The following ENG variants were observed in gnomAD, a reference collection of about 807,000 sequenced individuals.
ENG encodes the protein endoglin, also known as CD105 antigen.
In ENG, 17 loss-of-function variants were observed where a neutral mutation model predicts 71.0. That is an observed-to-expected ratio of 0.24 (90% CI 0.16 to 0.36). ENG has a LOEUF of 0.36. Ranked by LOEUF, ENG falls within the 10% of genes least tolerant of loss-of-function variation. The pLI, the probability that ENG is intolerant of heterozygous loss-of-function variation, is 1.00. For synonymous variants in ENG, 360 were observed against 366.9 expected, an observed-to-expected ratio of 0.98 and a Z score of 0.21; for missense variants, 749 against 868.3, an observed-to-expected ratio of 0.86 and a Z score of 1.73.
At chr9:127,826,700 G>A (rs376010048) in intron 3 of ENG, 28 bp from the exon 4 acceptor site, 203 of 1,611,764 alleles carry the variant, frequency 1.3e-4, no homozygotes, top group Non-Finnish European at 1.9e-5. Flanking sequence ...GGCTCAGCAC[G>A]CTGTTCCTGG....
At chr9:127,831,473 C>T (rs371287740) in intron 2 of ENG, among the ~76,000 whole-genome samples, 28 of 148,676 alleles carry the variant, frequency 1.9e-4, no homozygotes, top group African/African-American at 6.2e-4. Context: ...CTGCAACCTT[C>T]GCGTACCAGG....
chr9:127,816,744 A>T, intron 13 of ENG: 1 of 308,660 alleles, frequency 3.2e-6, no homozygotes, highest in Non-Finnish European at 6.3e-6. Context: ...GGGGGAACTG[A>T]TGGAGAGGCT....
At chr9:127,823,673 CTTTT>C (rs1017053002) in intron 8 of ENG, among the ~76,000 whole-genome samples, 20 of 99,032 alleles carry the variant, frequency 2.0e-4, no homozygotes, top group African/African-American at 6.8e-4. Flanking sequence ...CAGGCACCGG[CTTTT>C]TTTTTTTTTT....
At position 127,854,560 on chromosome 9, in the gene ENG, T is replaced by G. The variant is rs748402788; in HGVS notation, c.-205A>C. The stretch of plus-strand genomic sequence containing the variant: ...CAGGGACGCGGGGCTGGGCTGGAGT[T>G]GCTGTCCGAAGGATGGGCGGGGAGG... On this transcript the variant is annotated 5_prime_UTR_variant, in exon 1 of 15. Coordinates refer to ENST00000373203, the MANE Select transcript of ENG (RefSeq NM_001114753.3). 363 of 579,132 alleles carry G rather than the reference T, an allele frequency of 6.3e-4. No individual in the cohort carries two copies. Among genetic ancestry groups the G allele is most frequent in the Non-Finnish European group, 9.1e-4 (300 of 329,598 alleles). The allele number at this position is 579,132 out of a possible 1,614,324, so 35.9% of individuals were successfully genotyped here.
In ENG at chr9:127,815,274, G is replaced by A. The variant is rs1281008526; in HGVS notation, c.*408C>T. 5.0e-6 allele frequency: 1 copy of A among 199,282 alleles called. No homozygotes were observed. The highest frequency in any genetic ancestry group is 5.3e-5 in the Admixed American group (1 of 18,822). 12.3% of individuals were successfully genotyped at this position (199,282 alleles called of 1,614,324 possible). The stretch of plus-strand genomic sequence containing the variant: ...GGATAGATCCAGGTGGCTCTGGGCT[G>A]GGCCCTCTTCTCTTCCCAGCGGGGA... On this transcript the variant is annotated 3_prime_UTR_variant, in exon 15 of 15. Transcript: ENST00000373203.
At chr9:127,822,774 T>C (rs1430956218) in intron 8 of ENG, among the ~76,000 whole-genome samples, 1 of 152,216 alleles carries the variant, frequency 6.6e-6, no homozygotes, top group Non-Finnish European at 1.5e-5. Flanking sequence ...CACCAAAATG[T>C]TGGCAGCCAT....
chr9:127,840,826 TTC>T (rs1183567792), intron 2 of ENG, among the ~76,000 whole-genome samples: 1 of 152,074 alleles, frequency 6.6e-6, no homozygotes, highest in Admixed American at 6.6e-5. Context: ...CTGGAGCGAG[TTC>T]TCTAGAAGAG....
chr9:127,816,917 A>G, intron 13 of ENG: 1 of 596,062 alleles, frequency 1.7e-6, no homozygotes, highest in African/African-American at 1.9e-5. Flanking sequence ...CTAGACTCCC[A>G]CCCCACAGGG....
chr9:127,818,742 C>G lies in ENG; in HGVS notation c.1402G>C (p.Glu468Gln), dbSNP rs370554511. ...TGCACAAAGCTCTGCTGCCCCGGCT[C>G]GATGGTGTTGGAGGCCTGGAGGAAG... ...PHFLQASNTI[E>Q]PGQQSFVQVR... The change falls in exon 11 of 15, where the codon GAG becomes CAG. Residue 468 changes from glutamate (E) to glutamine (Q), a missense_variant. Glu to Gln is a conservative substitution (Grantham distance 29). Transcript: ENST00000373203. 2.5e-6 allele frequency: 4 copies of G among 1,613,924 alleles called. No homozygotes were observed. Among genetic ancestry groups the G allele is most frequent in the African/African-American group, 2.7e-5 (2 of 74,898 alleles).
At chr9:127,820,655 C>T (rs779462618) in intron 8 of ENG, among the ~76,000 whole-genome samples, 11 of 150,800 alleles carry the variant, frequency 7.3e-5, no homozygotes, top group Admixed American at 2.0e-4. Flanking sequence ...GATGAAACCC[C>T]GTCTCTACTA....
At chr9:127,834,949 CTT>C (rs983820665) in intron 2 of ENG, among the ~76,000 whole-genome samples, 49 of 151,866 alleles carry the variant, frequency 3.2e-4, no homozygotes, top group Middle Eastern at 6.8e-3. Flanking sequence ...GGGTTTATAA[CTT>C]TTGGTTTTCA....
chr9:127,843,652 TACAC>T lies in ENG; in HGVS notation c.68-411_68-408del, dbSNP rs559947476. Reference sequence around the variant, plus strand: ...ATATATGTGTGTGTGTATATATACATACACACACATATACATAGATCTACATATA... The same window carrying T: ...ATATATGTGTGTGTGTATATATACATACACATATACATAGATCTACATATA... On this transcript the variant is annotated intron_variant, in intron 1 of 14. Transcript: ENST00000373203. Among the ~76,000 whole-genome samples, 110 of 141,504 alleles carry T rather than the reference TACAC, an allele frequency of 7.8e-4. No homozygotes were observed. The East Asian group carries it at 0.021, about 26-fold the overall frequency. The allele number at this position is 141,504 out of a possible 152,430, so 92.8% of individuals were successfully genotyped here. A position where few individuals can be genotyped will look rare whatever the true frequency, so the allele number is the denominator to read the frequency against.
chr9:127,836,837 G>T lies in ENG; in HGVS notation c.219+6257C>A, dbSNP rs41469147. Among the ~76,000 whole-genome samples, 34 of 152,288 alleles carry T rather than the reference G, an allele frequency of 2.2e-4. No homozygotes were observed. Among genetic ancestry groups the T allele is most frequent in the African/African-American group, 8.2e-4 (34 of 41,554 alleles). ...CAGTCTTGCTCTGTCACTCAGGCTG[G>T]AGTACAGTGGCACGATCTCGGCTCA... is the stretch of plus-strand genomic sequence containing the variant. On this transcript the variant is annotated intron_variant, in intron 2 of 14. Coordinates refer to ENST00000373203, the MANE Select transcript of ENG (RefSeq NM_001114753.3). This position sits in a 1 kb window ranked among gnomAD's most constrained non-coding sequence, Gnocchi z 4.0.
rs945352188 is a variant in ENG, at chr9:127,851,322, C to T, written c.67+2967G>A. Among the ~76,000 whole-genome samples, 17 of 152,004 alleles carry T rather than the reference C, an allele frequency of 1.1e-4. 2 individuals carry two copies. Among genetic ancestry groups the T allele is most frequent in the Admixed American group, 9.2e-4 (14 of 15,286 alleles). On this transcript the variant is annotated intron_variant, in intron 1 of 14. Transcript: ENST00000373203. The stretch of plus-strand genomic sequence containing the variant: ...ACAACCTCCACCTCCCAGGGTCAAG[C>T]GATTCTCCTGCCTCAGCCTCCCAAG...
chr9:127,823,041 G>A (rs1479885602), intron 8 of ENG, among the ~76,000 whole-genome samples: 4 of 151,570 alleles, frequency 2.6e-5, no homozygotes, highest in East Asian at 1.9e-4. Flanking sequence ...GGGTTTCACC[G>A]TGTTGCCCAG....
intron 2 of ENG, among the ~76,000 whole-genome samples, chr9:127,830,506 G>T (rs974207479): frequency 6.6e-6 from 1 of 151,890 alleles, no homozygotes; most frequent in African/African-American, 2.4e-5. Flanking sequence ...TAGCCAGGTG[G>T]GGTGGTGGTG....
chr9:127,826,541 G>A lies in ENG; in HGVS notation c.492C>T (p.Asp164=). The A allele has an allele frequency of 6.2e-7, 1 of 1,614,174 alleles. No individual in the cohort carries two copies. Among genetic ancestry groups the A allele is most frequent in the Admixed American group, 1.7e-5 (1 of 60,020 alleles). The change falls in exon 4 of 15, where the codon GAC becomes GAT. Residue 164 remains aspartate, a synonymous_variant. Transcript: ENST00000373203. The stretch of plus-strand genomic sequence containing the variant: ...CCAGTCGGAGGAGGATGCTCTGGGG[G>A]TCATTCAGCTCAGCAGCAGAGGTGA... ...GPITSAAELN[D]PQSILLRLGQ...
At chr9:127,850,360 A>G (rs1831259164) in intron 1 of ENG, among the ~76,000 whole-genome samples, 1 of 152,250 alleles carries the variant, frequency 6.6e-6, no homozygotes, top group Non-Finnish European at 1.5e-5. Flanking sequence ...ACTCTTGCCC[A>G]GATCCACCTC....
chr9:127,824,367 G>A lies in ENG; in HGVS notation c.1071C>T (p.Ser357=), dbSNP rs1305112426. The change falls in exon 8 of 15, where the codon TCC becomes TCT. Residue 357 remains serine (S), a synonymous_variant. Transcript: ENST00000373203. ...CGTCGGCACACTTTGTCTGGATCAA[G>A]GACATGAGCAGCTCCGGGCTACAAG... ...KDTCSPELLM[S]LIQTKCADDA... is the part of the protein sequence containing the mutation. 1.9e-6 allele frequency: 3 copies of A among 1,614,132 alleles called. No individual in the cohort carries two copies. In the East Asian group the frequency reaches 6.7e-5, roughly 36 times the overall value.
Sources: allele counts gnomAD v4.1 joint callset (sites outside exome capture counted in the v4.1 genomes callset), GRCh38; gene constraint gnomAD v4.1.1; non-coding constraint Gnocchi (gnomAD v3.1); transcripts MANE v1.5; gene names NCBI Gene and HGNC (gene_info 2026-07-23, HGNC 2026-07-21).